JARID2: variants seen among roughly 807,000 people sequenced by gnomAD.
JARID2 encodes jumonji and AT-rich interaction domain containing 2.
A neutral mutation model predicts 125.6 loss-of-function variants in JARID2; 21 were observed. The ratio of observed to expected loss-of-function variants is 0.17; its 90% confidence interval spans 0.12 to 0.24. JARID2 has a LOEUF of 0.24. JARID2 is among the 10% of genes least tolerant of loss of function. The pLI, the probability that JARID2 is intolerant of heterozygous loss-of-function variation, is 1.00. For synonymous variants in JARID2, 736 were observed against 661.6 expected (o/e 1.11, Z -1.73); for missense variants, 1,303 against 1,639.6 (o/e 0.79, Z 3.55).
intron 3 of JARID2, among the ~76,000 whole-genome samples, chr6:15,414,754 G>A (rs954951021): frequency 6.6e-6 from 1 of 151,902 alleles, no homozygotes; most frequent in African/African-American, 2.4e-5. Flanking sequence ...TCATTGTGGT[G>A]GGTGAGATTG....
intron 2 of JARID2, among the ~76,000 whole-genome samples, chr6:15,380,942 G>A (rs1381254514): frequency 2.6e-5 from 4 of 152,096 alleles, no homozygotes; most frequent in Non-Finnish European, 4.4e-5. Context: ...CTCTACGAAG[G>A]GGAACACCTG....
At chr6:15,509,187 T>A in intron 12 of JARID2, 1 of 1,270,122 alleles carries the variant, frequency 7.9e-7, no homozygotes, top group Non-Finnish European at 1.0e-6. Context: ...ACTGCACCCA[T>A]CCCTGATCGA....
intron 1 of JARID2, among the ~76,000 whole-genome samples, chr6:15,311,182 C>T (rs1388901891): frequency 1.3e-5 from 2 of 152,192 alleles, no homozygotes; most frequent in African/African-American, 4.8e-5. Context: ...ATCACCCTTG[C>T]TCCTAATCCA....
chr6:15,248,673 C>T (rs888406002), intron 1 of JARID2: 7 of 153,120 alleles, frequency 4.6e-5, no homozygotes, highest in African/African-American at 1.4e-4. Flanking sequence ...GCGCCCCAGC[C>T]CTTCTTCCCT....
chr6:15,300,710 TGTGTGTGTGTGTGAGAGAGAGA>T (rs1482602501), intron 1 of JARID2, among the ~76,000 whole-genome samples: 3 of 141,040 alleles, frequency 2.1e-5, no homozygotes, highest in African/African-American at 8.3e-5. Context: ...TGTGTGTGTG[TGTGTGTGTGTGTGAGAGAGAGA>T]GAGAGAGAGA....
intron 2 of JARID2, among the ~76,000 whole-genome samples, chr6:15,386,582 CT>C (rs1363359404): frequency 2.0e-5 from 3 of 152,238 alleles, no homozygotes; most frequent in African/African-American, 7.2e-5. Flanking sequence ...GTGATCCCCC[CT>C]CCTACTGGCA....
chr6:15,400,827 T>G (rs1264420293), intron 2 of JARID2: 1 of 1,269,354 alleles, frequency 7.9e-7, no homozygotes. Flanking sequence ...CACTGCCGCT[T>G]GCTTATTACG....
chr6:15,436,964 G>A (rs548382270), intron 3 of JARID2, among the ~76,000 whole-genome samples: 78 of 152,100 alleles, frequency 5.1e-4, no homozygotes, highest in Non-Finnish European at 1.0e-3. Context: ...CACTTCTGGA[G>A]CTCTAAATGG....
intron 15 of JARID2, 90 bp downstream of exon 15, chr6:15,513,135 A>G: frequency 6.3e-7 from 1 of 1,589,924 alleles, no homozygotes; most frequent in Non-Finnish European, 8.6e-7. Flanking sequence ...TCCTGACAGG[A>G]GGGTGTGTCT....
intron 3 of JARID2, among the ~76,000 whole-genome samples, chr6:15,416,007 A>G (rs146096722): frequency 0.12 from 17,768 of 147,688 alleles, 1,277 homozygotes; most frequent in East Asian, 0.25. Context: ...CACCTCCCAG[A>G]CGGGGTCATG....
chr6:15,339,978 G>C (rs1448497983), intron 1 of JARID2, among the ~76,000 whole-genome samples: 4 of 141,670 alleles, frequency 2.8e-5, no homozygotes, highest in Non-Finnish European at 4.6e-5. Context: ...TTTTTTTTTT[G>C]AATTGGAGTC....
chr6:15,475,141 G>A (rs961304447), intron 5 of JARID2, among the ~76,000 whole-genome samples: 11 of 152,138 alleles, frequency 7.2e-5, no homozygotes, highest in African/African-American at 2.2e-4. Context: ...AGTTTAGAGC[G>A]GAATTCCTAG....
intron 3 of JARID2, among the ~76,000 whole-genome samples, chr6:15,416,853 C>A (rs879369180): frequency 1.3e-5 from 2 of 152,138 alleles, no homozygotes; most frequent in Non-Finnish European, 2.9e-5. Context: ...TTATTCCACT[C>A]AGTTCTTCTT....
At chr6:15,454,084 T>A (rs147654023) in intron 4 of JARID2, among the ~76,000 whole-genome samples, 2 of 152,314 alleles carry the variant, frequency 1.3e-5, no homozygotes, top group East Asian at 3.9e-4. Context: ...TAAGGGAGGT[T>A]CATGTGCATT....
At chr6:15,311,999 C>A (rs1762030496) in intron 1 of JARID2, among the ~76,000 whole-genome samples, 1 of 152,164 alleles carries the variant, frequency 6.6e-6, no homozygotes, top group South Asian at 2.1e-4. Flanking sequence ...TGTCATAGCT[C>A]ATTCTACATA....
At chr6:15,297,488 CTT>C (rs35578901) in intron 1 of JARID2, among the ~76,000 whole-genome samples, 15 of 143,214 alleles carry the variant, frequency 1.0e-4, no homozygotes, top group Admixed American at 1.4e-4. Flanking sequence ...ATACAGCACT[CTT>C]TTTTTTTTTT....
intron 3 of JARID2, among the ~76,000 whole-genome samples, chr6:15,433,924 GTGTGT>G (rs1561860297): frequency 0.037 from 934 of 25,364 alleles, 12 homozygotes; most frequent in African/African-American, 0.14. Context: ...TCTCCAGGGT[GTGTGT>G]GTGTGTGTGT....
At chr6:15,265,612 C>G (rs139260519) in intron 1 of JARID2, among the ~76,000 whole-genome samples, 2 of 152,138 alleles carry the variant, frequency 1.3e-5, no homozygotes, top group Non-Finnish European at 2.9e-5. Context: ...TCTTGGCTGG[C>G]AGCCAAGAAG....
intron 1 of JARID2, among the ~76,000 whole-genome samples, chr6:15,373,909 T>C (rs989029168): frequency 8.5e-5 from 13 of 152,226 alleles, no homozygotes; most frequent in African/African-American, 3.1e-4. Flanking sequence ...TTTCATTCTT[T>C]TTAACAGCCT....
Sources: gnomAD v4.1 joint callset for allele counts (sites outside exome capture counted in the v4.1 genomes callset) on GRCh38, gnomAD v4.1.1 for gene constraint, MANE v1.5 for transcripts, NCBI Gene and HGNC (gene_info 2026-07-23, HGNC 2026-07-21) for gene names.